The following LLGL2 variants were observed in gnomAD, a reference collection of about 807,000 sequenced individuals.
LLGL2 encodes the protein LLGL scribble cell polarity complex component 2, also known as LLGL2, scribble cell polarity complex component.
Under a neutral mutation model 123.2 loss-of-function variants are expected in LLGL2, and 81 were observed. The ratio of observed to expected loss-of-function variants is 0.66; its 90% CI spans 0.55 to 0.79. LLGL2 has a LOEUF of 0.79. Ranked by LOEUF, LLGL2 falls within the 30% of genes least tolerant of loss-of-function variation. The probability of loss-of-function intolerance (pLI) is 0.00; values close to 1 mark genes in which losing one functional copy is unlikely to be tolerated. For missense variants in LLGL2, 1,273 were observed against 1,414.6 expected, an observed-to-expected ratio of 0.90 and a Z score of 1.61; for synonymous variants, 577 against 594.1, an observed-to-expected ratio of 0.97 and a Z score of 0.42.
rs1012932283 is a variant in LLGL2 at position 75,559,049 on chromosome 17, C to T, written c.372-203C>T. ...CCGTGTTATGCTGGAGGGTCCCTGG[C>T]GTCTTTCCTGCCTCCTAGCCCAGGC... On this transcript the variant is annotated intron_variant, in intron 5 of 25. Coordinates refer to ENST00000392550, the MANE Select transcript of LLGL2 (RefSeq NM_001031803.2). This position sits in a 1 kb window ranked among gnomAD's most constrained non-coding sequence, Gnocchi z 4.6. 17 of 615,954 alleles carry T rather than the reference C, an allele frequency of 2.8e-5. No homozygotes were observed. Among genetic ancestry groups the T allele is most frequent in the Non-Finnish European group, 4.5e-5 (16 of 358,334 alleles). 38.2% of individuals were successfully genotyped at this position (615,954 alleles called of 1,614,324 possible). A position where few individuals can be genotyped will look rare whatever the true frequency, so the allele number is the denominator to read the frequency against.
chr17:75,560,123 A>C (rs2055135251), intron 6 of LLGL2, among the ~76,000 whole-genome samples: 1 of 152,210 alleles, frequency 6.6e-6, no homozygotes. Flanking sequence ...GCAGCTGGCC[A>C]GCCCAGCTCT....
chr17:75,543,951 C>G (rs906266236), intron 2 of LLGL2, among the ~76,000 whole-genome samples: 3 of 152,158 alleles, frequency 2.0e-5, no homozygotes, highest in African/African-American at 7.2e-5. Flanking sequence ...TCAAATTGCC[C>G]CTGAAGGAAA....
At chr17:75,553,225 G>A (rs1485507486) in intron 2 of LLGL2, among the ~76,000 whole-genome samples, 1 of 152,258 alleles carries the variant, frequency 6.6e-6, no homozygotes, top group African/African-American at 2.4e-5. Context: ...CCTGGGGGCC[G>A]CTGCTGGGCC....
At chr17:75,556,775 C>T (rs1476692621) in intron 3 of LLGL2, among the ~76,000 whole-genome samples, 6 of 152,152 alleles carry the variant, frequency 3.9e-5, no homozygotes, top group South Asian at 4.1e-4. Context: ...AAATTTTTTT[C>T]GGCACTTTGG....
At chr17:75,525,658 C>G (rs1025272892), upstream of LLGL2, 1 of 150,358 alleles carries the variant, frequency 6.7e-6, no homozygotes, top group Admixed American at 6.6e-5. This position sits in a 1 kb window ranked among gnomAD's most constrained non-coding sequence, Gnocchi z 4.8. Context: ...GGCAGGCTCG[C>G]CCTTTATGTA....
At position 75,570,048 on chromosome 17, in the gene LLGL2, A is replaced by G. The variant is rs2055625843; in HGVS notation, c.1667A>G (p.Tyr556Cys). Residue 556 changes from tyrosine to cysteine, a missense_variant, in exon 15 of 26, where the codon TAC becomes TGC. Tyr to Cys is a radical substitution (Grantham distance 194, BLOSUM62 -2). Coordinates refer to ENST00000392550, the MANE Select transcript of LLGL2 (RefSeq NM_001031803.2). ...EADLLQDQEG[Y>C]RWKGHERLAA... ...GACCTGCTGCAGGACCAAGAGGGCT[A>G]CCGCTGGAAGGGGCACGAGCGCCTG... 1 of 1,612,648 alleles carries G rather than the reference A, an allele frequency of 6.2e-7. No individual in the cohort carries two copies. Among genetic ancestry groups the G allele is most frequent in the South Asian group, 1.1e-5 (1 of 91,044 alleles).
At chr17:75,536,920 C>T (rs1411014378) in intron 1 of LLGL2, among the ~76,000 whole-genome samples, 1 of 152,096 alleles carries the variant, frequency 6.6e-6, no homozygotes, top group African/African-American at 2.4e-5. Context: ...TTCCACCTCC[C>T]GAGTTCAAGC....
Position 75,558,736 on chromosome 17 carries a change from C to T in LLGL2, c.371+109C>T, listed in dbSNP as rs2055035392. 2.3e-6 allele frequency: 2 copies of T among 871,274 alleles called. No individual in the cohort carries two copies. Among genetic ancestry groups the T allele is most frequent in the South Asian group, 1.6e-5 (1 of 64,368 alleles). 54.0% of individuals were successfully genotyped at this position (871,274 alleles called of 1,614,324 possible). A position where few individuals can be genotyped will look rare whatever the true frequency, so the allele number is the denominator to read the frequency against. The stretch of plus-strand genomic sequence containing the variant: ...AGGCCTGTTGCGCCCCTGGCAGTGA[C>T]TGGCATGCGTTTGGCCCGATGCATC... On this transcript the variant is annotated intron_variant, in intron 5 of 25. Transcript: ENST00000392550. This position sits in a 1 kb window ranked among gnomAD's most constrained non-coding sequence, Gnocchi z 4.0.
intron 1 of LLGL2, among the ~76,000 whole-genome samples, chr17:75,542,280 G>A (rs1568027658): frequency 6.6e-6 from 1 of 152,054 alleles, no homozygotes; most frequent in Non-Finnish European, 1.5e-5. Flanking sequence ...CTTCGGGCCA[G>A]GTGTTCCCTC....
chr17:75,560,429 G>A (rs992780772), intron 6 of LLGL2, among the ~76,000 whole-genome samples: 4 of 152,074 alleles, frequency 2.6e-5, no homozygotes, highest in Admixed American at 6.5e-5. Flanking sequence ...TAGTCGGCGG[G>A]GGGGCCCAAG....
At chr17:75,534,477 G>A (rs1296778568) in intron 1 of LLGL2, among the ~76,000 whole-genome samples, 10 of 152,058 alleles carry the variant, frequency 6.6e-5, no homozygotes, top group Non-Finnish European at 8.8e-5. Flanking sequence ...ATTGGGGCTT[G>A]GATTTTTTTT....
In LLGL2 at chr17:75,530,416, C is replaced by T. The variant is rs1174891596; in HGVS notation, c.-31+4591C>T. On this transcript the variant is annotated intron_variant, in intron 1 of 25. Coordinates refer to ENST00000392550, the MANE Select transcript of LLGL2 (RefSeq NM_001031803.2). ...CTGTAATTCCAGCACTTTGGGAGGCCGAGGCAGGCGGATCACGAGGTCAGG... is the reference window on the plus strand; with the variant it reads ...CTGTAATTCCAGCACTTTGGGAGGCTGAGGCAGGCGGATCACGAGGTCAGG... Among the ~76,000 whole-genome samples the T allele has an allele frequency of 3.9e-5, 6 of 152,086 alleles. No homozygotes were observed. In the East Asian group the frequency reaches 7.7e-4, roughly 20 times the overall value.
At chr17:75,541,039 T>C (rs1420736440) in intron 1 of LLGL2, among the ~76,000 whole-genome samples, 3 of 152,220 alleles carry the variant, frequency 2.0e-5, no homozygotes, top group Admixed American at 6.5e-5. Flanking sequence ...CACTCCCTAC[T>C]GCACAGCAGG....
chr17:75,561,922 CAA>C (rs943637166), intron 6 of LLGL2, among the ~76,000 whole-genome samples: 1 of 141,934 alleles, frequency 7.0e-6, no homozygotes. Context: ...ACTCCCATCT[CAA>C]AAAAAAAAAA....
In LLGL2 at chr17:75,564,013, C is replaced by T. The variant is rs537594053; in HGVS notation, c.881+207C>T. On this transcript the variant is annotated intron_variant, in intron 9 of 25. Transcript: ENST00000392550. This position sits in a 1 kb window ranked among gnomAD's most constrained non-coding sequence, Gnocchi z 4.9. ...CTGCCAAGTTCATTCTTGCTCCTTT[C>T]TTCCACCTTCCCAGAGAGACGGTAC... Among the ~76,000 whole-genome samples the T allele has an allele frequency of 8.1e-4, 123 of 152,358 alleles. No individual in the cohort carries two copies. The highest frequency in any genetic ancestry group is 1.5e-3 in the Non-Finnish European group (104 of 68,030).
Position 75,564,461 on chromosome 17 carries a change from C to A in LLGL2, c.990C>A (p.Ser330=), listed in dbSNP as rs2055358740. ...AGCAGACGGCCTTCGACTTCACCTCCCGTGTCATCGGCTTCACTGTCCTCA... is the reference window on the plus strand; with the variant it reads ...AGCAGACGGCCTTCGACTTCACCTCACGTGTCATCGGCTTCACTGTCCTCA... The part of the protein sequence containing the change: ...DGQQTAFDFT[S]RVIGFTVLTE... Residue 330 remains serine (S), a synonymous_variant, in exon 10 of 26, where the codon TCC becomes TCA. Transcript: ENST00000392550. The surrounding 1 kb of genome is among the most constrained non-coding windows in gnomAD (Gnocchi z 4.9). 2 of 1,613,450 alleles carry A rather than the reference C, an allele frequency of 1.2e-6. No homozygotes were observed. The highest frequency in any genetic ancestry group is 1.3e-5 in the African/African-American group (1 of 74,950).
intron 8 of LLGL2, 53 bp downstream of exon 8, chr17:75,563,516 G>T: frequency 6.2e-7 from 1 of 1,601,186 alleles, no homozygotes; most frequent in Non-Finnish European, 8.5e-7. Context: ...CCTGGATTCA[G>T]GTGCAGGTTG....
intron 18 of LLGL2, 50 bp from the exon 19 acceptor site, chr17:75,571,848 C>T (rs557372629): frequency 6.2e-7 from 1 of 1,604,728 alleles, no homozygotes; most frequent in South Asian, 1.1e-5. Context: ...GGGAGTGGCT[C>T]CAGCCCTGCC....
chr17:75,571,467 C>A (rs756332693), intron 17 of LLGL2, 200 bp from the exon 18 acceptor site: 4 of 595,428 alleles, frequency 6.7e-6, no homozygotes, highest in Admixed American at 3.0e-5. Flanking sequence ...CGTGTCTCTC[C>A]CTGGCTGGTT....
Sources: gnomAD v4.1 joint callset for allele counts (sites outside exome capture counted in the v4.1 genomes callset) on GRCh38, gnomAD v4.1.1 for gene constraint, Gnocchi (gnomAD v3.1) non-coding constraint, MANE v1.5 for transcripts, NCBI Gene and HGNC (gene_info 2026-07-23, HGNC 2026-07-21) for gene names.